The following COL23A1 variants were observed in gnomAD, a reference collection of about 807,000 sequenced individuals.
COL23A1 encodes collagen type XXIII alpha 1 chain, also known as collagen alpha-1(XXIII) chain.
Under a neutral mutation model 99.3 loss-of-function variants are expected in COL23A1, and 97 were observed. The observed-to-expected ratio is 0.98, with a 90% CI of 0.83 to 1.16. The LOEUF (loss-of-function observed/expected upper bound fraction) is 1.16, where lower values mean the gene tolerates loss of function less well. Among genes scored for constraint, COL23A1 ranks in the 50% most tolerant of loss-of-function variants. The probability of loss-of-function intolerance (pLI) is 0.00; values close to 1 mark genes in which losing one functional copy is unlikely to be tolerated. For missense variants in COL23A1, 762 were observed against 757.4 expected, an observed-to-expected ratio of 1.01 and a Z score of -0.07; for synonymous variants, 320 against 308.2, an observed-to-expected ratio of 1.04 and a Z score of -0.40.
intron 2 of COL23A1, among the ~76,000 whole-genome samples, chr5:178,400,018 G>A (rs1012868014): frequency 6.6e-6 from 1 of 152,194 alleles, no homozygotes; most frequent in African/African-American, 2.4e-5. Context: ...GAACCAGCAA[G>A]AACAGTCGGA....
intron 1 of COL23A1, among the ~76,000 whole-genome samples, chr5:178,568,355 TA>T (rs975290194): frequency 5.9e-4 from 87 of 146,490 alleles, no homozygotes; most frequent in African/African-American, 7.5e-4. Context: ...AATTTAGTTT[TA>T]AAAAAAAAAA....
chr5:178,369,183 C>T (rs1762663660), intron 2 of COL23A1, among the ~76,000 whole-genome samples: 1 of 152,176 alleles, frequency 6.6e-6, no homozygotes, highest in Non-Finnish European at 1.5e-5. Context: ...GGGAGGCTGG[C>T]TTGGTAGGTG....
At chr5:178,342,804 A>G (rs570827847) in intron 2 of COL23A1, among the ~76,000 whole-genome samples, 2 of 141,178 alleles carry the variant, frequency 1.4e-5, no homozygotes, top group East Asian at 3.9e-4. Context: ...AAAACAAACA[A>G]ACAGAAAAAG....
chr5:178,516,044 G>A (rs1173694030), intron 2 of COL23A1, among the ~76,000 whole-genome samples: 1 of 152,130 alleles, frequency 6.6e-6, no homozygotes, highest in Non-Finnish European at 1.5e-5. Context: ...AGAGCTGTCT[G>A]GAGGCCTCAC....
intron 2 of COL23A1, among the ~76,000 whole-genome samples, chr5:178,495,218 C>T (rs1758136618): frequency 2.0e-5 from 3 of 152,176 alleles, no homozygotes; most frequent in African/African-American, 7.2e-5. Context: ...GCAGGGCTCC[C>T]GGTGTGGCTG....
At chr5:178,568,908 G>T (rs625820) in intron 1 of COL23A1, among the ~76,000 whole-genome samples, 39,711 of 152,050 alleles carry the variant, frequency 0.26, 5,322 homozygotes, top group East Asian at 0.3. Flanking sequence ...TTTTATTTGA[G>T]TATCTGTTTT....
chr5:178,316,702 A>G (rs1469374211), intron 2 of COL23A1, among the ~76,000 whole-genome samples: 1 of 152,208 alleles, frequency 6.6e-6, no homozygotes, highest in Non-Finnish European at 1.5e-5. Flanking sequence ...AATTCCAACC[A>G]CAGTGATATT....
intron 12 of COL23A1, 104 bp downstream of exon 12, chr5:178,259,616 GC>G: frequency 1.8e-6 from 2 of 1,130,316 alleles, no homozygotes; most frequent in South Asian, 1.8e-5. Flanking sequence ...TTGGCTCCCA[GC>G]CCATCCCGTC....
At chr5:178,390,089 C>T (rs1763887429) in intron 2 of COL23A1, among the ~76,000 whole-genome samples, 1 of 152,196 alleles carries the variant, frequency 6.6e-6, no homozygotes, top group South Asian at 2.1e-4. Flanking sequence ...GTTCTGTTCT[C>T]CCTCTCAAAG....
At chr5:178,359,172 C>T (rs1762042751) in intron 2 of COL23A1, among the ~76,000 whole-genome samples, 1 of 152,226 alleles carries the variant, frequency 6.6e-6, no homozygotes, top group South Asian at 2.1e-4. Context: ...CATTTAACCT[C>T]TCTCAGCCTC....
Position 178,457,374 on chromosome 5 carries a change from C to T in COL23A1, c.361+103308G>A, listed in dbSNP as rs2647690. 8.4e-3 allele frequency among the ~76,000 whole-genome samples: 1,283 copies of T among 152,142 alleles called. 16 individuals carry two copies. Among genetic ancestry groups the T allele is most frequent in the African/African-American group, 0.029 (1,186 of 41,504 alleles). ...GACTACAAGTGCCCGCCACCACGCC[C>T]GGCTAATTTTTTGTATTTTTAGTAG... On this transcript the variant is annotated intron_variant, in intron 2 of 28. Transcript: ENST00000390654.
At chr5:178,495,410 C>T (rs963812606) in intron 2 of COL23A1, among the ~76,000 whole-genome samples, 6 of 152,152 alleles carry the variant, frequency 3.9e-5, no homozygotes, top group African/African-American at 1.2e-4. Context: ...TGAGGCCAAT[C>T]GTGAACTTCA....
At chr5:178,533,428 G>A (rs1181114423) in intron 2 of COL23A1, among the ~76,000 whole-genome samples, 1 of 152,188 alleles carries the variant, frequency 6.6e-6, no homozygotes, top group Non-Finnish European at 1.5e-5. Flanking sequence ...ATGCTACAGT[G>A]TGTGTCTTTG....
chr5:178,540,540 G>A (rs1761228592), intron 2 of COL23A1, among the ~76,000 whole-genome samples: 1 of 152,186 alleles, frequency 6.6e-6, no homozygotes, highest in African/African-American at 2.4e-5. Flanking sequence ...CATGGAGAGA[G>A]ATACCATGTT....
At chr5:178,435,795 T>TCCCC in intron 2 of COL23A1, among the ~76,000 whole-genome samples, 1 of 152,212 alleles carries the variant, frequency 6.6e-6, no homozygotes, top group Non-Finnish European at 1.5e-5. Context: ...GGCACCCCCA[T>TCCCC]CCCCCTCAAC....
intron 2 of COL23A1, among the ~76,000 whole-genome samples, chr5:178,502,333 A>G (rs113942260): frequency 0.023 from 3,457 of 152,212 alleles, 59 homozygotes; most frequent in East Asian, 0.049. Context: ...GGGTTTCACC[A>G]TGTTAGCCAG....
intron 2 of COL23A1, among the ~76,000 whole-genome samples, chr5:178,393,150 G>C (rs1164089784): frequency 1.3e-5 from 2 of 152,364 alleles, no homozygotes. Flanking sequence ...CATCTGGCTC[G>C]AGAGATGGCC....
chr5:178,240,428 G>A (rs1328699532), intron 27 of COL23A1, among the ~76,000 whole-genome samples: 1 of 152,162 alleles, frequency 6.6e-6, no homozygotes, highest in Non-Finnish European at 1.5e-5. Flanking sequence ...CACAGCACAC[G>A]GCACACGGCA....
chr5:178,389,647 T>C lies in COL23A1; in HGVS notation c.362-82728A>G, dbSNP rs1315710282. ...TTGCATTGGTTAAATGTGTATATAA[T>C]GTGATTCCCATGTGTAGAGTTAAGT... On this transcript the variant is annotated intron_variant, in intron 2 of 28. Transcript: ENST00000390654. 1.3e-5 allele frequency among the ~76,000 whole-genome samples: 2 copies of C among 152,192 alleles called. 1 individual carries two copies. Among genetic ancestry groups the C allele is most frequent in the Non-Finnish European group, 2.9e-5 (2 of 68,038 alleles).
Sources: allele counts gnomAD v4.1 joint callset (sites outside exome capture counted in the v4.1 genomes callset), GRCh38; gene constraint gnomAD v4.1.1; transcripts MANE v1.5; gene names NCBI Gene and HGNC (gene_info 2026-07-23, HGNC 2026-07-21).